The following PNPLA4 variants were observed in gnomAD, a reference collection of about 807,000 sequenced individuals.
The protein encoded by PNPLA4 is patatin-like phospholipase domain-containing protein 4.
PNPLA4 carries 15 observed loss-of-function variants against 18.3 expected under a neutral mutation model. The observed-to-expected ratio is 0.82, with a 90% confidence interval of 0.55 to 1.26. The LOEUF (loss-of-function observed/expected upper bound fraction) is 1.26, where lower values mean the gene tolerates loss of function less well. Ranked by LOEUF, PNPLA4 falls within the 50% of genes most tolerant of loss-of-function variation. PNPLA4 has a pLI of 0.00. For missense variants in PNPLA4, 229 were observed against 196.8 expected (o/e 1.16, Z -0.98); for synonymous variants, 88 against 85.6 (o/e 1.03, Z -0.16).
At chrX:7,908,402 C>T (rs1163611631) in intron 5 of PNPLA4, among the ~76,000 whole-genome samples, 2 of 112,338 alleles carry the variant, frequency 1.8e-5, no homozygotes, top group Non-Finnish European at 3.8e-5. Flanking sequence ...GTGTATTCAG[C>T]ACAACTGAAA....
chrX:7,901,165 T>C (rs1415871011), intron 6 of PNPLA4, among the ~76,000 whole-genome samples: 1 of 112,292 alleles, frequency 8.9e-6, no homozygotes, highest in Non-Finnish European at 1.9e-5. Context: ...GGAAAACTAT[T>C]AGACTAGATT....
chrX:7,926,159 G>GT lies in PNPLA4; in HGVS notation c.-13-28dup, dbSNP rs1328331721. 1.4e-5 allele frequency: 15 copies of GT among 1,101,791 alleles called. No individual in the cohort carries two copies. In the South Asian group the frequency reaches 2.0e-4, roughly 15 times the overall value. The allele number at this position is 1,101,791 out of a possible 1,213,427, so 90.8% of individuals were successfully genotyped here. A position where few individuals can be genotyped will look rare whatever the true frequency, so the allele number is the denominator to read the frequency against. On this transcript the variant is annotated intron_variant, in intron 1 of 6. Transcript: ENST00000381042. ...TGGCAATACAAAAAACAAAAATGCTGTAAGTTGGAATAGTTTATCCCACAT... is the reference window on the plus strand; with the variant it reads ...TGGCAATACAAAAAACAAAAATGCTGTTAAGTTGGAATAGTTTATCCCACAT...
chrX:7,907,319 A>T (rs777083398), intron 5 of PNPLA4, among the ~76,000 whole-genome samples: 308 of 112,485 alleles, frequency 2.7e-3, no homozygotes, highest in African/African-American at 9.6e-3. Context: ...GTGCCCAGCC[A>T]ACCCTACAGC....
intron 5 of PNPLA4, among the ~76,000 whole-genome samples, chrX:7,908,309 C>T (rs1923773013): frequency 9.0e-6 from 1 of 111,264 alleles, no homozygotes; most frequent in Non-Finnish European, 1.9e-5. Flanking sequence ...CCTCCACTTT[C>T]GTCACTTCAG....
At chrX:7,917,440 T>A (rs1924078238) in intron 4 of PNPLA4, among the ~76,000 whole-genome samples, 1 of 111,796 alleles carries the variant, frequency 8.9e-6, no homozygotes, top group African/African-American at 3.3e-5. Flanking sequence ...AAAGTAATCC[T>A]ATTCAGCCTG....
Position 7,899,668 on chromosome X carries a change from AG to A in PNPLA4, c.*1017del. The A allele has an allele frequency of 9.6e-6, 1 of 104,152 alleles. No individual in the cohort carries two copies. 8.6% of individuals were successfully genotyped at this position (104,152 alleles called of 1,213,427 possible). ...GAGAGAGAGAGAGAGAGAGAGAGAG[AG>A]AGAGAGAGAGAATGAATGACAACCA... On this transcript the variant is annotated 3_prime_UTR_variant, in exon 7 of 7. Transcript: ENST00000381042.
At position 7,927,375 on chromosome X, in the gene PNPLA4, A is replaced by C. The variant is rs1165728063; in HGVS notation, c.-103T>G. ...GTCACTCAACGCCATTCCGCCACCA[A>C]GGCCGCGCTACGCTCTCCGCGAGCC... On this transcript the variant is annotated 5_prime_UTR_variant, in exon 1 of 7. Coordinates refer to ENST00000381042, the MANE Select transcript of PNPLA4 (RefSeq NM_004650.3). The C allele has an allele frequency of 6.2e-5, 7 of 113,260 alleles. No individual in the cohort carries two copies. Among genetic ancestry groups the C allele is most frequent in the African/African-American group, 2.2e-4 (7 of 31,264 alleles). 9.3% of individuals were successfully genotyped at this position (113,260 alleles called of 1,213,427 possible).
rs189417122 is a variant in PNPLA4 at position 7,909,484 on chromosome X, G to C, written c.477+2544C>G. 1.0e-2 allele frequency among the ~76,000 whole-genome samples: 1,099 copies of C among 110,031 alleles called. 14 individuals are homozygous for C. The highest frequency in any genetic ancestry group is 0.035 in the African/African-American group (1,056 of 30,217). ...TGAGGCAGGAGAATGGCGTGAACCC[G>C]GGAGGTGGAGCTTGCAGTGAGCTGA... On this transcript the variant is annotated intron_variant, in intron 5 of 6. Transcript: ENST00000381042.
At chrX:7,915,261 G>A (rs1018990170) in intron 4 of PNPLA4, among the ~76,000 whole-genome samples, 4 of 94,380 alleles carry the variant, frequency 4.2e-5, no homozygotes, top group Admixed American at 1.3e-4. Flanking sequence ...GATTTTACCC[G>A]CTAGGGACAT....
intron 4 of PNPLA4, among the ~76,000 whole-genome samples, chrX:7,917,923 A>G (rs60435989): frequency 0.022 from 2,444 of 112,426 alleles, 64 homozygotes; most frequent in African/African-American, 0.075. Context: ...AACAAACAGC[A>G]TCAGTCAGCT....
rs200369478 is a variant in PNPLA4, at chrX:7,917,837, AAC to A, written c.411+3874_411+3875del. 7.5e-3 allele frequency among the ~76,000 whole-genome samples: 833 copies of A among 111,549 alleles called. 11 individuals are homozygous for A. The highest frequency in any genetic ancestry group is 0.026 in the African/African-American group (792 of 30,686). On this transcript the variant is annotated intron_variant, in intron 4 of 6. Transcript: ENST00000381042. ...ACGTCAAAATACACACACAGACACA[AAC>A]ACACAAGCACACACTCTCACATATT... is the stretch of plus-strand genomic sequence containing the variant.
chrX:7,920,519 C>G (rs1193515379), intron 4 of PNPLA4, among the ~76,000 whole-genome samples: 1 of 112,423 alleles, frequency 8.9e-6, no homozygotes, highest in Non-Finnish European at 1.9e-5. Context: ...CTTGTCAATT[C>G]AACATTTCAT....
intron 5 of PNPLA4, among the ~76,000 whole-genome samples, chrX:7,910,947 T>C (rs762560216): frequency 2.5e-4 from 28 of 111,332 alleles, no homozygotes; most frequent in Non-Finnish European, 4.1e-4. Context: ...GATACATATC[T>C]CTAGTAATTG....
Position 7,899,904 on chromosome X carries a change from G to A in PNPLA4, c.*782C>T, listed in dbSNP as rs1156744245. Reference sequence around the variant, plus strand: ...TATGTAGCTCCCACAATTGCCACACGTTGTGGGAGGGACCCAGTGGGAGGT... The same window carrying A: ...TATGTAGCTCCCACAATTGCCACACATTGTGGGAGGGACCCAGTGGGAGGT... On this transcript the variant is annotated 3_prime_UTR_variant, in exon 7 of 7. Coordinates refer to ENST00000381042, the MANE Select transcript of PNPLA4 (RefSeq NM_004650.3). 1 of 111,745 alleles carries A rather than the reference G, an allele frequency of 8.9e-6. No homozygotes were observed. Among genetic ancestry groups the A allele is most frequent in the Non-Finnish European group, 1.9e-5 (1 of 53,193 alleles). The allele number at this position is 111,745 out of a possible 1,213,427, so 9.2% of individuals were successfully genotyped here. A position where few individuals can be genotyped will look rare whatever the true frequency, so the allele number is the denominator to read the frequency against.
At chrX:7,914,514 T>C (rs1190094378) in intron 4 of PNPLA4, among the ~76,000 whole-genome samples, 1 of 112,033 alleles carries the variant, frequency 8.9e-6, no homozygotes, top group African/African-American at 3.2e-5. Context: ...TCACAGACCC[T>C]AGGTATGTTT....
chrX:7,902,900 G>A (rs1308821663), intron 5 of PNPLA4, among the ~76,000 whole-genome samples: 1 of 111,915 alleles, frequency 8.9e-6, no homozygotes, highest in Non-Finnish European at 1.9e-5. Context: ...TCTATTCCAA[G>A]GCCAAACAGT....
At chrX:7,925,836 C>CG in intron 2 of PNPLA4, 104 bp downstream of exon 2, 1 of 637,573 alleles carries the variant, frequency 1.6e-6, no homozygotes, top group Non-Finnish European at 2.4e-6. Context: ...TCCAAGCAAA[C>CG]GATTATTTCT....
rs771592094 is a variant in PNPLA4 at position 7,924,779 on chromosome X, CATACA to C, written c.180+1156_180+1160del. On this transcript the variant is annotated intron_variant, in intron 2 of 6. Transcript: ENST00000381042. ...TTTCCAAATCAGGTTAATTCTAAATCATACAATACATTTTTTAATTTGCTGATAAT... is the reference window on the plus strand; with the variant it reads ...TTTCCAAATCAGGTTAATTCTAAATCATACATTTTTTAATTTGCTGATAAT... Among the ~76,000 whole-genome samples the C allele has an allele frequency of 2.5e-3, 284 of 112,084 alleles. 3 individuals carry two copies. The highest frequency in any genetic ancestry group is 8.7e-3 in the African/African-American group (268 of 30,859).
intron 5 of PNPLA4, among the ~76,000 whole-genome samples, chrX:7,910,795 G>A (rs928532541): frequency 9.3e-6 from 1 of 107,836 alleles, no homozygotes; most frequent in Admixed American, 1.0e-4. Context: ...ACATATCTCT[G>A]GTATGTGTTA....
Sources: gnomAD v4.1 joint callset for allele counts (sites outside exome capture counted in the v4.1 genomes callset) on GRCh38, gnomAD v4.1.1 for gene constraint, MANE v1.5 for transcripts, NCBI Gene and HGNC (gene_info 2026-07-23, HGNC 2026-07-21) for gene names.